The following TNFAIP8 variants were observed in gnomAD, a reference collection of about 807,000 sequenced individuals.
TNFAIP8 encodes TNF alpha induced protein 8, also known as tumor necrosis factor alpha-induced protein 8.
In TNFAIP8, 7 loss-of-function variants were observed where a neutral mutation model predicts 13.3. That is an observed-to-expected ratio of 0.52 (90% CI 0.30 to 0.99). TNFAIP8 has a LOEUF of 0.99. Among genes scored for constraint, TNFAIP8 ranks in the 50% least tolerant of loss-of-function variants. The probability of loss-of-function intolerance (pLI) is 0.07; values close to 1 mark genes in which losing one functional copy is unlikely to be tolerated. For missense variants in TNFAIP8, 258 were observed against 236.9 expected, an observed-to-expected ratio of 1.09 and a Z score of -0.58; for synonymous variants, 94 against 87.6, an observed-to-expected ratio of 1.07 and a Z score of -0.41.
chr5:119,301,479 G>C (rs1749390998), intron 1 of TNFAIP8, among the ~76,000 whole-genome samples: 1 of 152,130 alleles, frequency 6.6e-6, no homozygotes, highest in Non-Finnish European at 1.5e-5. Context: ...TTCTTTCCCT[G>C]GGTTTTCATG....
chr5:119,384,320 A>C (rs569269909), intron 1 of TNFAIP8, among the ~76,000 whole-genome samples: 1 of 152,196 alleles, frequency 6.6e-6, no homozygotes, highest in African/African-American at 2.4e-5. Flanking sequence ...CCCCTTCTCT[A>C]CTAAAAATAC....
chr5:119,349,851 A>C (rs1751052356), intron 1 of TNFAIP8, among the ~76,000 whole-genome samples: 1 of 152,258 alleles, frequency 6.6e-6, no homozygotes, highest in Admixed American at 6.5e-5. Context: ...GGGACCTCCC[A>C]ATATTAGCAA....
chr5:119,334,930 A>C (rs570529849), intron 1 of TNFAIP8, among the ~76,000 whole-genome samples: 7 of 152,276 alleles, frequency 4.6e-5, no homozygotes, highest in Non-Finnish European at 7.3e-5. Context: ...AGACGTGTAC[A>C]TAAAGCTTCC....
At chr5:119,346,844 C>G (rs992293072) in intron 1 of TNFAIP8, among the ~76,000 whole-genome samples, 1 of 152,140 alleles carries the variant, frequency 6.6e-6, no homozygotes, top group African/African-American at 2.4e-5. Context: ...AATTTGGGGA[C>G]CTCAGAACTA....
chr5:119,369,931 G>T (rs971516811), intron 1 of TNFAIP8, among the ~76,000 whole-genome samples: 1 of 152,078 alleles, frequency 6.6e-6, no homozygotes, highest in African/African-American at 2.4e-5. Flanking sequence ...GCTCTAATGG[G>T]GTCACTTCTT....
At chr5:119,325,031 C>G (rs1750178371) in intron 1 of TNFAIP8, among the ~76,000 whole-genome samples, 2 of 151,288 alleles carry the variant, frequency 1.3e-5, no homozygotes, top group South Asian at 4.2e-4. Context: ...GCCAATGGTT[C>G]AAGACCAACT....
At chr5:119,389,109 G>A (rs1425883583) in intron 1 of TNFAIP8, among the ~76,000 whole-genome samples, 1 of 152,182 alleles carries the variant, frequency 6.6e-6, no homozygotes, top group African/African-American at 2.4e-5. Context: ...CTGGGTGAGG[G>A]AGAGAATGGT....
intron 1 of TNFAIP8, among the ~76,000 whole-genome samples, chr5:119,363,148 G>A (rs570408276): frequency 1.3e-5 from 2 of 152,310 alleles, no homozygotes; most frequent in Admixed American, 6.5e-5. Flanking sequence ...GGAGAGCATG[G>A]GGCCTTGGAA....
At chr5:119,306,620 AC>A (rs1445925197) in intron 1 of TNFAIP8, 1 of 151,964 alleles carries the variant, frequency 6.6e-6, no homozygotes, top group African/African-American at 2.4e-5. Context: ...GGCACATGCC[AC>A]CGTGCCTGGC....
At chr5:119,379,519 A>G (rs1489445523) in intron 1 of TNFAIP8, among the ~76,000 whole-genome samples, 1 of 152,212 alleles carries the variant, frequency 6.6e-6, no homozygotes, top group Non-Finnish European at 1.5e-5. Context: ...AGGTGAAGGC[A>G]GATATATAGC....
chr5:119,288,357 G>C (rs374887002), intron 1 of TNFAIP8, among the ~76,000 whole-genome samples: 1 of 152,168 alleles, frequency 6.6e-6, no homozygotes, highest in Non-Finnish European at 1.5e-5. Context: ...TGTACCTTGA[G>C]GGAATGTCAG....
At chr5:119,299,290 G>A (rs541246584) in intron 1 of TNFAIP8, among the ~76,000 whole-genome samples, 1,756 of 149,716 alleles carry the variant, frequency 0.012, 28 homozygotes, top group African/African-American at 0.041. Flanking sequence ...TTTTTGGTGT[G>A]GATGTCCTTT....
At chr5:119,278,248 A>G (rs1748516446) in intron 1 of TNFAIP8, among the ~76,000 whole-genome samples, 1 of 151,942 alleles carries the variant, frequency 6.6e-6, no homozygotes, top group African/African-American at 2.4e-5. Context: ...CATCCTTAGC[A>G]TGTTACATTT....
In TNFAIP8 at chr5:119,324,295, AAAAAAAAAAAAAAAAAAAAG is replaced by A. The variant is rs1377297722; in HGVS notation, c.1+55391_1+55410del. Among the ~76,000 whole-genome samples, 17 of 64,256 alleles carry A rather than the reference AAAAAAAAAAAAAAAAAAAAG, an allele frequency of 2.6e-4. 1 individual carries two copies. The highest frequency in any genetic ancestry group is 1.2e-3 in the African/African-American group (16 of 13,168). 42.2% of individuals were successfully genotyped at this position (64,256 alleles called of 152,430 possible). A position where few individuals can be genotyped will look rare whatever the true frequency, so the allele number is the denominator to read the frequency against. On this transcript the variant is annotated intron_variant, in intron 1 of 1. Transcript: ENST00000274456. ...ATCTCAAAAAAAAAAAAAAAAAAAA[AAAAAAAAAAAAAAAAAAAAG>A]AAGAAGTTCCAAGTTCAACATTCCC...
chr5:119,308,900 A>G (rs955002861), intron 1 of TNFAIP8, among the ~76,000 whole-genome samples: 1 of 151,734 alleles, frequency 6.6e-6, no homozygotes, highest in African/African-American at 2.4e-5. Context: ...GCACTGGAAG[A>G]GCATCTGAGC....
At chr5:119,381,204 C>T (rs1273172752) in intron 1 of TNFAIP8, among the ~76,000 whole-genome samples, 3 of 152,198 alleles carry the variant, frequency 2.0e-5, no homozygotes, top group Non-Finnish European at 4.4e-5. Flanking sequence ...TCCTCAGATA[C>T]CTGCTATATC....
intron 1 of TNFAIP8, among the ~76,000 whole-genome samples, chr5:119,380,539 G>T (rs1752448099): frequency 6.6e-6 from 1 of 152,206 alleles, no homozygotes; most frequent in African/African-American, 2.4e-5. Flanking sequence ...ATCAACAGTG[G>T]AAAGGTTTTA....
chr5:119,330,890 G>C (rs923208512), intron 1 of TNFAIP8, among the ~76,000 whole-genome samples: 1 of 152,052 alleles, frequency 6.6e-6, no homozygotes, highest in Non-Finnish European at 1.5e-5. Flanking sequence ...CACTCTCAGG[G>C]GCTGGGGGTT....
intron 1 of TNFAIP8, among the ~76,000 whole-genome samples, chr5:119,384,345 C>T (rs1252373023): frequency 6.6e-6 from 1 of 151,974 alleles, no homozygotes. Context: ...ATTAGCTGGG[C>T]GTGGTGGCAT....
Sources: allele counts gnomAD v4.1 joint callset (sites outside exome capture counted in the v4.1 genomes callset), GRCh38; gene constraint gnomAD v4.1.1; transcripts MANE v1.5; gene names NCBI Gene and HGNC (gene_info 2026-07-23, HGNC 2026-07-21).